CLSTN2: variants seen among roughly 807,000 people sequenced by gnomAD.
The protein encoded by CLSTN2 is calsyntenin 2.
CLSTN2 carries 48 observed loss-of-function variants against 101.2 expected under a neutral mutation model. The ratio of observed to expected loss-of-function variants is 0.47; its 90% CI spans 0.38 to 0.60. The LOEUF is 0.60. CLSTN2 is among the 20% of genes least tolerant of loss of function. The probability of loss-of-function intolerance (pLI) is 0.00; values close to 1 mark genes in which losing one functional copy is unlikely to be tolerated. For synonymous variants in CLSTN2, 481 were observed against 463.6 expected (o/e 1.04, Z -0.48); for missense variants, 1,160 against 1,238.2 (o/e 0.94, Z 0.95).
intron 1 of CLSTN2, among the ~76,000 whole-genome samples, chr3:140,065,867 T>C (rs2882426): frequency 0.42 from 63,361 of 152,110 alleles, 15,495 homozygotes; most frequent in African/African-American, 0.66. Context: ...GCTACTTTTA[T>C]AATCCCATGG....
intron 1 of CLSTN2, among the ~76,000 whole-genome samples, chr3:140,157,238 CT>C (rs1437913830): frequency 6.6e-6 from 1 of 151,532 alleles, no homozygotes; most frequent in African/African-American, 2.4e-5. Flanking sequence ...CCAGATTTTC[CT>C]ATTAGTCTCC....
chr3:139,941,195 G>A (rs191778763), intron 1 of CLSTN2, among the ~76,000 whole-genome samples: 182 of 152,242 alleles, frequency 1.2e-3, no homozygotes, highest in Non-Finnish European at 2.1e-3. Flanking sequence ...GGGAAAGACA[G>A]GTTTTGAGGG....
intron 7 of CLSTN2, among the ~76,000 whole-genome samples, chr3:140,463,492 G>T (rs1933613488): frequency 6.6e-6 from 1 of 152,194 alleles, no homozygotes; most frequent in Non-Finnish European, 1.5e-5. Flanking sequence ...AAGGATTGAG[G>T]TTGTTGTCTG....
intron 1 of CLSTN2, among the ~76,000 whole-genome samples, chr3:140,010,485 A>AT (rs1169625157): frequency 6.6e-6 from 1 of 152,126 alleles, no homozygotes. Flanking sequence ...AATGGCCCAT[A>AT]TTTACATCTT....
intron 8 of CLSTN2, among the ~76,000 whole-genome samples, chr3:140,500,922 AT>A (rs1436672209): frequency 6.6e-6 from 1 of 152,180 alleles, no homozygotes; most frequent in African/African-American, 2.4e-5. Context: ...GAAATGGAGT[AT>A]AAATAAATAA....
chr3:140,209,247 C>T (rs899142637), intron 2 of CLSTN2, among the ~76,000 whole-genome samples: 1 of 152,106 alleles, frequency 6.6e-6, no homozygotes, highest in Non-Finnish European at 1.5e-5. Flanking sequence ...TGGAACTAGG[C>T]TCCCTTCAAT....
chr3:140,537,383 A>AT (rs1317508671), intron 9 of CLSTN2, among the ~76,000 whole-genome samples: 1 of 151,956 alleles, frequency 6.6e-6, no homozygotes, highest in Non-Finnish European at 1.5e-5. Context: ...TATTCTAGCA[A>AT]TGAAAAAAAA....
chr3:140,501,573 T>C (rs1559887619), intron 8 of CLSTN2, among the ~76,000 whole-genome samples: 1 of 152,222 alleles, frequency 6.6e-6, no homozygotes, highest in Non-Finnish European at 1.5e-5. Flanking sequence ...TTTATAACCA[T>C]AGAAAGCAGA....
At chr3:140,458,537 C>A (rs1379097335) in intron 6 of CLSTN2, among the ~76,000 whole-genome samples, 1 of 152,146 alleles carries the variant, frequency 6.6e-6, no homozygotes, top group African/African-American at 2.4e-5. Flanking sequence ...CCCAGCAGGA[C>A]AATCCAGTCT....
intron 2 of CLSTN2, among the ~76,000 whole-genome samples, chr3:140,268,765 G>A (rs1395159252): frequency 6.6e-6 from 1 of 152,076 alleles, no homozygotes; most frequent in Non-Finnish European, 1.5e-5. Flanking sequence ...GTTGGCAGTG[G>A]GCAGTGGCAG....
chr3:140,406,314 G>T (rs1427229321), intron 4 of CLSTN2, among the ~76,000 whole-genome samples: 1 of 152,170 alleles, frequency 6.6e-6, no homozygotes, highest in African/African-American at 2.4e-5. Flanking sequence ...CTGTCTTTAA[G>T]TAGCTTAGAA....
At chr3:140,341,538 CAG>C (rs1024296568) in intron 2 of CLSTN2, among the ~76,000 whole-genome samples, 5 of 152,204 alleles carry the variant, frequency 3.3e-5, no homozygotes, top group Non-Finnish European at 5.9e-5. Context: ...TGAAAGTAAA[CAG>C]GGCATAAATC....
In CLSTN2 at chr3:140,027,176, T is replaced by C. The variant is rs147843252; in HGVS notation, c.109+91693T>C. Among the ~76,000 whole-genome samples, 9 of 152,366 alleles carry C rather than the reference T, an allele frequency of 5.9e-5. No individual in the cohort carries two copies. In the East Asian group the frequency reaches 1.7e-3, roughly 29 times the overall value. On this transcript the variant is annotated intron_variant, in intron 1 of 16. Coordinates refer to ENST00000458420, the MANE Select transcript of CLSTN2 (RefSeq NM_022131.3). The stretch of plus-strand genomic sequence containing the variant: ...AGTGGAGGGGCAGGAGAAATGGCTT[T>C]GCTTTAGATACTGCAGTGGGTTGGA...
chr3:140,036,287 G>C (rs2007651012), intron 1 of CLSTN2, among the ~76,000 whole-genome samples: 1 of 152,136 alleles, frequency 6.6e-6, no homozygotes, highest in Non-Finnish European at 1.5e-5. Context: ...TTTTAGAACT[G>C]TTTCCATGTC....
intron 2 of CLSTN2, among the ~76,000 whole-genome samples, chr3:140,324,802 T>C (rs968728485): frequency 1.3e-5 from 2 of 152,328 alleles, no homozygotes; most frequent in South Asian, 4.1e-4. Context: ...TTTACCAGAT[T>C]TGTTGAAACA....
intron 8 of CLSTN2, among the ~76,000 whole-genome samples, chr3:140,473,745 T>TG (rs1933907289): frequency 3.4e-5 from 1 of 29,152 alleles, no homozygotes; most frequent in South Asian, 1.2e-3. Flanking sequence ...GTTTTTTGTG[T>TG]TTTTTTTTTG....
intron 2 of CLSTN2, among the ~76,000 whole-genome samples, chr3:140,218,179 C>T (rs1242235276): frequency 6.6e-6 from 1 of 152,168 alleles, no homozygotes; most frequent in Non-Finnish European, 1.5e-5. Flanking sequence ...GCAGAAATTT[C>T]CCAATTCTTG....
In CLSTN2 at chr3:140,518,165, G is replaced by A. The variant is rs369587922; in HGVS notation, c.1345-14159G>A. 1.5e-4 allele frequency among the ~76,000 whole-genome samples: 23 copies of A among 152,220 alleles called. No homozygotes were observed. The East Asian group carries it at 2.1e-3, about 14-fold the overall frequency. On this transcript the variant is annotated intron_variant, in intron 8 of 16. Coordinates refer to ENST00000458420, the MANE Select transcript of CLSTN2 (RefSeq NM_022131.3). ...TCCACCATACTTATCCAACAGCACC[G>A]AGTTTATTTCCAGGCAGTGGGTGAG...
At chr3:140,225,643 G>T (rs918008268) in intron 2 of CLSTN2, among the ~76,000 whole-genome samples, 7 of 152,086 alleles carry the variant, frequency 4.6e-5, no homozygotes, top group Non-Finnish European at 1.0e-4. Flanking sequence ...GACTACAGGT[G>T]TGTGCTGCCA....
Sources: gnomAD v4.1 joint callset for allele counts (sites outside exome capture counted in the v4.1 genomes callset) on GRCh38, gnomAD v4.1.1 for gene constraint, MANE v1.5 for transcripts, NCBI Gene and HGNC (gene_info 2026-07-23, HGNC 2026-07-21) for gene names.